The following SRBD1 variants were observed in gnomAD, a reference collection of about 807,000 sequenced individuals.
SRBD1 encodes the protein S1 RNA-binding domain-containing protein 1.
In SRBD1, 88 loss-of-function variants were observed where a neutral mutation model predicts 115.3. The ratio of observed to expected loss-of-function variants is 0.76; its 90% CI spans 0.64 to 0.91. The LOEUF (loss-of-function observed/expected upper bound fraction) is 0.91, where lower values mean the gene tolerates loss of function less well. SRBD1 is among the 40% of genes least tolerant of loss of function. SRBD1 has a pLI of 0.00. For synonymous variants in SRBD1, 509 were observed against 407.7 expected, an observed-to-expected ratio of 1.25 and a Z score of -2.99; for missense variants, 1,385 against 1,177.4, an observed-to-expected ratio of 1.18 and a Z score of -2.58.
At chr2:45,505,447 T>C (rs1014296004) in intron 14 of SRBD1, among the ~76,000 whole-genome samples, 1 of 152,068 alleles carries the variant, frequency 6.6e-6, no homozygotes, top group African/African-American at 2.4e-5. Context: ...CAGAGAAACA[T>C]CCAACTCAAG....
At chr2:45,512,853 G>C (rs921895072) in intron 14 of SRBD1, among the ~76,000 whole-genome samples, 4 of 152,014 alleles carry the variant, frequency 2.6e-5, no homozygotes, top group Admixed American at 2.6e-4. Flanking sequence ...TCCTAGGCTA[G>C]TCATGGAAAT....
intron 16 of SRBD1, among the ~76,000 whole-genome samples, chr2:45,435,792 T>C (rs1348663917): frequency 1.3e-5 from 2 of 152,114 alleles, no homozygotes; most frequent in Admixed American, 6.5e-5. Flanking sequence ...TAAAAAATAA[T>C]CCTTACTCAG....
chr2:45,414,537 A>G (rs549968186), intron 18 of SRBD1, among the ~76,000 whole-genome samples: 4 of 144,884 alleles, frequency 2.8e-5, no homozygotes, highest in African/African-American at 1.1e-4. Flanking sequence ...TAGTGTGTGT[A>G]CACACATAGT....
chr2:45,434,235 A>T (rs1421262033), intron 16 of SRBD1, among the ~76,000 whole-genome samples: 1 of 152,212 alleles, frequency 6.6e-6, no homozygotes, highest in Non-Finnish European at 1.5e-5. Context: ...ACTAATTTTT[A>T]AAACCCAACA....
rs372805545 is a variant in SRBD1, at chr2:45,585,413, C to G, written c.815+195G>C. The stretch of plus-strand genomic sequence containing the variant: ...ACTGCAAATGACCTTTTTGCTAATA[C>G]ATGCTCAAGCTATGCATAAACACAC... On this transcript the variant is annotated intron_variant, in intron 5 of 20. Coordinates refer to ENST00000263736, the MANE Select transcript of SRBD1 (RefSeq NM_018079.5). Among the ~76,000 whole-genome samples, 99 of 152,320 alleles carry G rather than the reference C, an allele frequency of 6.5e-4. 1 individual carries two copies. The highest frequency in any genetic ancestry group is 2.4e-3 in the African/African-American group (98 of 41,576).
intron 13 of SRBD1, 66 bp from the exon 14 acceptor site, chr2:45,546,905 T>G (rs1158099984): frequency 1.8e-5 from 26 of 1,422,274 alleles, no homozygotes; most frequent in Non-Finnish European, 2.5e-5. Context: ...CTGGAGAAAA[T>G]GTACAGAATG....
At chr2:45,574,561 A>G (rs924127439) in intron 8 of SRBD1, 66 bp downstream of exon 8, 4 of 1,443,378 alleles carry the variant, frequency 2.8e-6, no homozygotes, top group Non-Finnish European at 3.8e-6. Flanking sequence ...TGGTATTAGC[A>G]CTAACCGTGT....
At chr2:45,535,880 T>TG (rs927526263) in intron 14 of SRBD1, among the ~76,000 whole-genome samples, 1 of 151,932 alleles carries the variant, frequency 6.6e-6, no homozygotes, top group Non-Finnish European at 1.5e-5. Context: ...ATGCTATACA[T>TG]GGGGGGAAGC....
intron 5 of SRBD1, among the ~76,000 whole-genome samples, chr2:45,582,305 A>C (rs933558261): frequency 1.1e-4 from 17 of 152,168 alleles, no homozygotes; most frequent in Non-Finnish European, 1.5e-5. Context: ...TCACAATTAA[A>C]TACCGATGGA....
At chr2:45,594,560 G>C (rs1572820381) in intron 4 of SRBD1, among the ~76,000 whole-genome samples, 2 of 152,324 alleles carry the variant, frequency 1.3e-5, no homozygotes, top group Non-Finnish European at 2.9e-5. Flanking sequence ...CAGTTTGGGA[G>C]AAAGGGCTGA....
In SRBD1 at chr2:45,488,792, A is replaced by G. The variant is rs77874706; in HGVS notation, c.1875-461T>C. Among the ~76,000 whole-genome samples, 1,056 of 152,202 alleles carry G rather than the reference A, an allele frequency of 6.9e-3. 14 individuals are homozygous for G. The highest frequency in any genetic ancestry group is 0.024 in the African/African-American group (1,005 of 41,540). ...TGTGTGGATATGTGCACATGCAGACATACAAAAAAACCACCATCATAAGCA... is the reference window on the plus strand; with the variant it reads ...TGTGTGGATATGTGCACATGCAGACGTACAAAAAAACCACCATCATAAGCA... On this transcript the variant is annotated intron_variant, in intron 14 of 20. Transcript: ENST00000263736.
At chr2:45,508,679 G>T (rs546273649) in intron 14 of SRBD1, among the ~76,000 whole-genome samples, 3 of 152,082 alleles carry the variant, frequency 2.0e-5, no homozygotes, top group Non-Finnish European at 2.9e-5. Context: ...CAAACTCAAT[G>T]TGTGATATGC....
At chr2:45,494,242 T>A (rs143989557) in intron 14 of SRBD1, among the ~76,000 whole-genome samples, 32 of 152,312 alleles carry the variant, frequency 2.1e-4, no homozygotes, top group African/African-American at 7.2e-4. Context: ...TATTTAAACA[T>A]GTATTATTAC....
intron 4 of SRBD1, among the ~76,000 whole-genome samples, chr2:45,598,386 G>A (rs1005557629): frequency 3.3e-5 from 5 of 151,736 alleles, no homozygotes; most frequent in African/African-American, 4.8e-5. Context: ...AGGCCGAGGC[G>A]GGCAGATCAC....
At chr2:45,392,916 G>A (rs3731946) in intron 20 of SRBD1, 29 bp downstream of exon 20, 74,402 of 1,561,988 alleles carry the variant, frequency 0.048, 3,021 homozygotes, top group Admixed American at 0.17. Flanking sequence ...GCAAATGCAA[G>A]GTGCTATAAT....
At chr2:45,603,587 T>A (rs1228653236) in intron 2 of SRBD1, among the ~76,000 whole-genome samples, 2 of 152,222 alleles carry the variant, frequency 1.3e-5, no homozygotes, top group Non-Finnish European at 2.9e-5. Flanking sequence ...TGGAGTGCAG[T>A]GACGTGATCT....
intron 14 of SRBD1, among the ~76,000 whole-genome samples, chr2:45,530,424 AG>A (rs1232599459): frequency 6.6e-6 from 1 of 152,052 alleles, no homozygotes; most frequent in Non-Finnish European, 1.5e-5. Flanking sequence ...TATTTAAAAA[AG>A]AAAAAAGCAA....
At chr2:45,504,495 A>G (rs868450285) in intron 14 of SRBD1, among the ~76,000 whole-genome samples, 3 of 152,268 alleles carry the variant, frequency 2.0e-5, no homozygotes, top group Admixed American at 6.5e-5. Context: ...ATAAAGATCA[A>G]CATACGAGAA....
chr2:45,462,456 C>T (rs549061282), intron 16 of SRBD1, among the ~76,000 whole-genome samples: 10 of 152,154 alleles, frequency 6.6e-5, no homozygotes, highest in Non-Finnish European at 1.5e-4. Flanking sequence ...GAAACAAAAG[C>T]CTTGTATATG....
Sources: gnomAD v4.1 joint callset for allele counts (sites outside exome capture counted in the v4.1 genomes callset) on GRCh38, gnomAD v4.1.1 for gene constraint, MANE v1.5 for transcripts, NCBI Gene and HGNC (gene_info 2026-07-23, HGNC 2026-07-21) for gene names.